Variants in XG observed in about 807,000 individuals in gnomAD.
XG encodes the protein glycoprotein Xg.
A neutral mutation model predicts 25.7 loss-of-function variants in XG; 24 were observed. The observed-to-expected ratio is 0.93, with a 90% confidence interval of 0.68 to 1.31. XG has a LOEUF of 1.31. Among genes scored for constraint, XG ranks in the 40% most tolerant of loss-of-function variants. XG has a pLI of 0.00. For synonymous variants in XG, 77 were observed against 69.2 expected (o/e 1.11, Z -0.56); for missense variants, 181 against 187.6 (o/e 0.96, Z 0.21).
intron 5 of XG, among the ~76,000 whole-genome samples, chrX:2,792,545 TTGTGTG>T (rs146747084): frequency 6.5e-4 from 65 of 99,776 alleles, no homozygotes; most frequent in African/African-American, 2.2e-3. Flanking sequence ...TTCTTTTTCT[TTGTGTG>T]TGTGTGTGTG....
chrX:2,808,031 GCTT>G (rs1255628962), intron 8 of XG, among the ~76,000 whole-genome samples, 151 bp from the exon 9 acceptor site: 1 of 111,349 alleles, frequency 9.0e-6, no homozygotes, highest in East Asian at 2.8e-4. Flanking sequence ...TCCTTATGCT[GCTT>G]GGCTGTCCCC....
chrX:2,780,356 T>C (rs1390713401), intron 3 of XG, among the ~76,000 whole-genome samples: 1 of 151,420 alleles, frequency 6.6e-6, no homozygotes, highest in African/African-American at 2.4e-5. Flanking sequence ...CACATATTCA[T>C]TGAAAGCCAA....
rs1267058418 is a variant in XG at position 2,769,013 on chromosome X, C to T, written c.62-1537C>T. On this transcript the variant is annotated intron_variant, in intron 1 of 10. Transcript: ENST00000644266. ...GGCCCAGGGGCAGCTGCTGTGTGCA[C>T]CCTGGGCTCAGAGTTCCCCTTCCCT... Among the ~76,000 whole-genome samples, 4 of 152,262 alleles carry T rather than the reference C, an allele frequency of 2.6e-5. No individual in the cohort carries two copies. The South Asian group carries it at 8.3e-4, about 32-fold the overall frequency.
intron 10 of XG, among the ~76,000 whole-genome samples, chrX:2,811,752 C>T (rs937663702): frequency 1.8e-5 from 2 of 111,057 alleles, no homozygotes; most frequent in African/African-American, 6.6e-5. Flanking sequence ...TGCACCACCA[C>T]GCCTGGCTAA....
intron 1 of XG, among the ~76,000 whole-genome samples, chrX:2,756,969 G>C (rs1174831021): frequency 6.6e-6 from 1 of 152,176 alleles, no homozygotes; most frequent in Non-Finnish European, 1.5e-5. Context: ...TGGTACCCGG[G>C]TTCTTGTCCA....
chrX:2,780,182 GAAAAA>G (rs891591344), intron 3 of XG, among the ~76,000 whole-genome samples: 3 of 150,812 alleles, frequency 2.0e-5, no homozygotes, highest in African/African-American at 7.3e-5. Flanking sequence ...GACGGATGGT[GAAAAA>G]AAGAAAAGAA....
At chrX:2,767,797 G>T (rs764883661) in intron 1 of XG, among the ~76,000 whole-genome samples, 1 of 152,324 alleles carries the variant, frequency 6.6e-6, no homozygotes, top group African/African-American at 2.4e-5. Flanking sequence ...TGCCCAGGCC[G>T]TCTGATGCTG....
At chrX:2,773,537 A>G (rs56305255) in intron 2 of XG, among the ~76,000 whole-genome samples, 13,814 of 84,374 alleles carry the variant, frequency 0.16, 380 homozygotes, top group East Asian at 0.27. Flanking sequence ...GAAGGAGAGA[A>G]GGAAGGAAGG....
At chrX:2,752,579 G>C (rs1380061251) in intron 1 of XG, among the ~76,000 whole-genome samples, 1 of 152,082 alleles carries the variant, frequency 6.6e-6, no homozygotes, top group Non-Finnish European at 1.5e-5. Flanking sequence ...CTAGATATTC[G>C]CCATATTTTC....
chrX:2,794,681 T>C, intron 6 of XG, 78 bp downstream of exon 6: 8 of 1,077,488 alleles, frequency 7.4e-6, no homozygotes, highest in Non-Finnish European at 1.0e-5. Flanking sequence ...AAGTTGGGGA[T>C]GAGAGAGCTG....
At chrX:2,794,049 C>A (rs761296026) in intron 5 of XG, among the ~76,000 whole-genome samples, 1 of 110,470 alleles carries the variant, frequency 9.1e-6, no homozygotes, top group Non-Finnish European at 1.9e-5. Context: ...GAGAGCTGGA[C>A]GAGGACATGG....
intron 1 of XG, among the ~76,000 whole-genome samples, chrX:2,765,696 T>C (rs1029903038): frequency 3.2e-4 from 49 of 152,244 alleles, no homozygotes; most frequent in African/African-American, 1.2e-3. Context: ...AATAATTCAG[T>C]GGGGAGCAGA....
At chrX:2,811,753 G>T (rs1054836552) in intron 10 of XG, among the ~76,000 whole-genome samples, 1 of 110,832 alleles carries the variant, frequency 9.0e-6, no homozygotes, top group Admixed American at 9.6e-5. Flanking sequence ...GCACCACCAC[G>T]CCTGGCTAAT....
At chrX:2,797,395 A>C in intron 7 of XG, 35 bp downstream of exon 7, 3 of 804,573 alleles carry the variant, frequency 3.7e-6, no homozygotes, top group Non-Finnish European at 5.5e-6. Flanking sequence ...TGGTGGGTGG[A>C]GGGTGGGAGG....
intron 2 of XG, 114 bp from the exon 3 acceptor site, chrX:2,774,602 T>C (rs1213413729): frequency 2.6e-6 from 3 of 1,165,682 alleles, no homozygotes; most frequent in Non-Finnish European, 2.6e-6. Context: ...ATCATTTACT[T>C]TGTATGGCTT....
At chrX:2,775,955 CAAAAAA>C (rs1173774743) in intron 3 of XG, among the ~76,000 whole-genome samples, 12 of 122,166 alleles carry the variant, frequency 9.8e-5, no homozygotes, top group Middle Eastern at 4.0e-3. Flanking sequence ...GATTCCGTCT[CAAAAAA>C]AAAAAAAAAA....
In XG at chrX:2,772,633, G is replaced by T. The variant is rs189431169; in HGVS notation, c.103+2042G>T. On this transcript the variant is annotated intron_variant, in intron 2 of 10. Coordinates refer to ENST00000644266, the MANE Select transcript of XG (RefSeq NM_001141919.2). Reference sequence around the variant, plus strand: ...GAAACTGTTCTGGAACTAGATACAGGTGGTGATTGTACAATATTGTGAATA... The same window carrying T: ...GAAACTGTTCTGGAACTAGATACAGTTGGTGATTGTACAATATTGTGAATA... 1.6e-4 allele frequency among the ~76,000 whole-genome samples: 25 copies of T among 152,282 alleles called. No homozygotes were observed. The East Asian group carries it at 4.6e-3, about 28-fold the overall frequency.
At chrX:2,782,791 C>T (rs1243436955) in intron 4 of XG, among the ~76,000 whole-genome samples, 2 of 111,670 alleles carry the variant, frequency 1.8e-5, no homozygotes, top group Non-Finnish European at 3.8e-5. Context: ...CTCTTGCAGC[C>T]AGAGGCTGCA....
At chrX:2,764,955 C>T (rs888788613) in intron 1 of XG, among the ~76,000 whole-genome samples, 1 of 144,212 alleles carries the variant, frequency 6.9e-6, no homozygotes, top group Non-Finnish European at 1.5e-5. Flanking sequence ...GCACTAGAAG[C>T]GCTCGAACCA....
Sources: gnomAD v4.1 joint callset for allele counts (sites outside exome capture counted in the v4.1 genomes callset) on GRCh38, gnomAD v4.1.1 for gene constraint, MANE v1.5 for transcripts, NCBI Gene and HGNC (gene_info 2026-07-23, HGNC 2026-07-21) for gene names.